RASEF: variants seen among roughly 807,000 people sequenced by gnomAD.
RASEF encodes the protein ras and EF-hand domain-containing protein.
Under a neutral mutation model 90.1 loss-of-function variants are expected in RASEF, and 68 were observed. The ratio of observed to expected loss-of-function variants is 0.75; its 90% CI spans 0.62 to 0.92. The LOEUF is 0.92. RASEF is among the 40% of genes least tolerant of loss of function. The probability of loss-of-function intolerance (pLI) is 0.00; values close to 1 mark genes in which losing one functional copy is unlikely to be tolerated. For missense variants in RASEF, 949 were observed against 937.2 expected (o/e 1.01, Z -0.16); for synonymous variants, 331 against 345.2 (o/e 0.96, Z 0.46).
intron 3 of RASEF, among the ~76,000 whole-genome samples, chr9:83,016,393 G>T (rs1829343199): frequency 6.6e-6 from 1 of 151,960 alleles, no homozygotes. Context: ...TCTCGGGGGT[G>T]TCCCTTCAAG....
At chr9:83,215,204 T>A in the RASEF span, among the ~76,000 whole-genome samples, 2 of 152,058 alleles carry the variant, frequency 1.3e-5, no homozygotes, top group Non-Finnish European at 2.9e-5. Flanking sequence ...TCCATCCTGA[T>A]GAGAGCCACC....
chr9:83,130,767 A>C, the RASEF span, among the ~76,000 whole-genome samples: 1 of 152,238 alleles, frequency 6.6e-6, no homozygotes, highest in Non-Finnish European at 1.5e-5. Context: ...CCCAACCCAG[A>C]CAGCTTACAA....
intron 1 of RASEF, among the ~76,000 whole-genome samples, chr9:83,027,867 A>G (rs1829575545): frequency 6.6e-6 from 1 of 152,186 alleles, no homozygotes; most frequent in Non-Finnish European, 1.5e-5. Context: ...CAGCGTATCC[A>G]TGCTTCTCCG....
At chr9:82,982,957 T>A (rs1016316088) in intron 16 of RASEF, among the ~76,000 whole-genome samples, 175 bp from the exon 17 acceptor site, 1 of 152,118 alleles carries the variant, frequency 6.6e-6, no homozygotes, top group Non-Finnish European at 1.5e-5. Flanking sequence ...TTAATCTTCA[T>A]AAGAACCATA....
the RASEF span, among the ~76,000 whole-genome samples, chr9:83,204,947 G>T: frequency 6.6e-6 from 1 of 152,134 alleles, no homozygotes. Context: ...TTTAAAGCAG[G>T]TGAGACAAAT....
intron 6 of RASEF, 152 bp downstream of exon 6, chr9:83,009,489 G>A: frequency 1.9e-6 from 1 of 521,552 alleles, no homozygotes; most frequent in Admixed American, 3.3e-5. Context: ...AAAAACACTA[G>A]GAAACCTGAT....
At position 83,010,693 on chromosome 9, in the gene RASEF, A is replaced by G. The variant is rs183509220; in HGVS notation, c.844-937T>C. Among the ~76,000 whole-genome samples, 4 of 152,308 alleles carry G rather than the reference A, an allele frequency of 2.6e-5. No individual in the cohort carries two copies. The East Asian group carries it at 7.7e-4, about 29-fold the overall frequency. The stretch of plus-strand genomic sequence containing the variant: ...AAGACAAGGCAGAGATTATCTTTTT[A>G]AAACTAAGTGGCTCCTGTAAAAAAA... On this transcript the variant is annotated intron_variant, in intron 5 of 16. Coordinates refer to ENST00000376447, the MANE Select transcript of RASEF (RefSeq NM_152573.4).
chr9:83,020,255 G>A (rs1438574028), intron 3 of RASEF, among the ~76,000 whole-genome samples: 4 of 152,162 alleles, frequency 2.6e-5, no homozygotes, highest in Non-Finnish European at 5.9e-5. Flanking sequence ...CAGAATTTGG[G>A]AAGAAGGAAA....
chr9:83,031,939 A>G (rs1829654912), intron 1 of RASEF, among the ~76,000 whole-genome samples: 1 of 152,146 alleles, frequency 6.6e-6, no homozygotes, highest in Admixed American at 6.5e-5. Flanking sequence ...GTATGCCAAG[A>G]GACTGTAACA....
At chr9:83,128,719 G>A in the RASEF span, among the ~76,000 whole-genome samples, 7 of 152,162 alleles carry the variant, frequency 4.6e-5, no homozygotes, top group Admixed American at 2.0e-4. Context: ...ACCACCAAAC[G>A]TGGGTATGAG....
chr9:82,985,037 G>T (rs1828686179), intron 16 of RASEF, among the ~76,000 whole-genome samples: 1 of 152,192 alleles, frequency 6.6e-6, no homozygotes, highest in Non-Finnish European at 1.5e-5. Flanking sequence ...ACAGCATGCA[G>T]AAAGGCAGAG....
chr9:83,149,727 G>A, the RASEF span, among the ~76,000 whole-genome samples: 18,156 of 152,156 alleles, frequency 0.12, 1,212 homozygotes, highest in East Asian at 0.29. Context: ...CGACAACCAC[G>A]TCAGGTACTC....
At chr9:83,211,604 G>A in the RASEF span, among the ~76,000 whole-genome samples, 4 of 152,178 alleles carry the variant, frequency 2.6e-5, no homozygotes, top group African/African-American at 4.8e-5. Context: ...CTGGGACTGT[G>A]GAAGCTAGTC....
chr9:82,991,005 A>T (rs981495665), intron 15 of RASEF, among the ~76,000 whole-genome samples: 1 of 152,136 alleles, frequency 6.6e-6, no homozygotes, highest in African/African-American at 2.4e-5. Flanking sequence ...CAAACCTTTC[A>T]ATGCCTCCTG....
At chr9:83,029,787 A>G (rs978838606) in intron 1 of RASEF, among the ~76,000 whole-genome samples, 11 of 152,124 alleles carry the variant, frequency 7.2e-5, no homozygotes, top group African/African-American at 2.2e-4. Context: ...CTCAAGGAAA[A>G]TATTATTAAT....
chr9:83,044,799 C>T (rs1829899925), intron 1 of RASEF, among the ~76,000 whole-genome samples: 1 of 152,202 alleles, frequency 6.6e-6, no homozygotes, highest in African/African-American at 2.4e-5. Flanking sequence ...GAGTATGTTG[C>T]TGTGAAGGTA....
At chr9:83,206,178 A>T in the RASEF span, among the ~76,000 whole-genome samples, 17,393 of 152,280 alleles carry the variant, frequency 0.11, 1,337 homozygotes, top group Admixed American at 0.2. Flanking sequence ...TTCATAACAA[A>T]TCATGTAACC....
intron 13 of RASEF, among the ~76,000 whole-genome samples, 161 bp from the exon 14 acceptor site, chr9:82,997,287 C>T (rs1828939649): frequency 6.6e-6 from 1 of 152,022 alleles, no homozygotes; most frequent in South Asian, 2.1e-4. Flanking sequence ...CTCGAATGAC[C>T]CAATGAAAGG....
chr9:83,038,444 C>T (rs997282315), intron 1 of RASEF, among the ~76,000 whole-genome samples: 1 of 151,988 alleles, frequency 6.6e-6, no homozygotes, highest in Admixed American at 6.5e-5. Context: ...AAAAATGAAA[C>T]CATAACTCTA....
Sources: allele counts gnomAD v4.1 joint callset (sites outside exome capture counted in the v4.1 genomes callset), GRCh38; gene constraint gnomAD v4.1.1; transcripts MANE v1.5; gene names NCBI Gene and HGNC (gene_info 2026-07-23, HGNC 2026-07-21).